SHPRH: variants seen among roughly 807,000 people sequenced by gnomAD.
SHPRH encodes SNF2 histone linker PHD RING helicase.
In SHPRH, 106 loss-of-function variants were observed where a neutral mutation model predicts 202.5. That is an observed-to-expected ratio of 0.52 (90% confidence interval 0.45 to 0.62). The LOEUF (loss-of-function observed/expected upper bound fraction) is 0.62. Among genes scored for constraint, SHPRH ranks in the 20% least tolerant of loss-of-function variants. The pLI is 0.00. For missense variants in SHPRH, 1,710 were observed against 2,020.0 expected (o/e 0.85, Z 2.94); for synonymous variants, 729 against 686.0 (o/e 1.06, Z -0.98).
intron 2 of SHPRH, among the ~76,000 whole-genome samples, chr6:145,869,819 C>CT (rs71028375): frequency 0.36 from 47,982 of 134,446 alleles, 8,865 homozygotes; most frequent in South Asian, 0.49. Flanking sequence ...TTTTTCTTTT[C>CT]TTTTTTTTTT....
chr6:145,862,447 A>G (rs1339592200), downstream of SHPRH, among the ~76,000 whole-genome samples: 3 of 121,388 alleles, frequency 2.5e-5, no homozygotes, highest in African/African-American at 9.9e-5. Context: ...ACAAAAAAAC[A>G]AAAACAACAA....
intron 3 of SHPRH, chr6:145,951,753 A>G (rs1172017060): frequency 4.4e-6 from 2 of 455,626 alleles, no homozygotes; most frequent in South Asian, 3.1e-5. Context: ...CAGTATGACA[A>G]TGTTCTATAA....
Position 145,922,346 on chromosome 6 carries a change from C to T in SHPRH, c.3722G>A (p.Cys1241Tyr). 6.4e-7 allele frequency: 1 copy of T among 1,557,414 alleles called. No homozygotes were observed. ...LRPARLPLNC[C>Y]VFCKADELFT... Reference sequence around the variant, plus strand: ...CAATTCATCAGCTTTACAAAAGACACAGCTGAAAAAAAAGAGATTAACAGA... The same window carrying T: ...CAATTCATCAGCTTTACAAAAGACATAGCTGAAAAAAAAGAGATTAACAGA... Residue 1241 changes from cysteine (C) to tyrosine (Y), a missense_variant and splice_region_variant, in exon 20 of 30, where the codon TGT becomes TAT. Physicochemically the swap from Cys to Tyr is radical, Grantham distance 194. Around this residue, in one of 8 missense-constraint regions of SHPRH, gnomAD observed 288 missense variants for 317.8 expected, o/e 0.91. Coordinates refer to ENST00000275233, the MANE Select transcript of SHPRH (RefSeq NM_001042683.3).
chr6:145,932,545 C>A (rs1785584298), intron 14 of SHPRH, among the ~76,000 whole-genome samples: 1 of 151,924 alleles, frequency 6.6e-6, no homozygotes, highest in Admixed American at 6.6e-5. Context: ...GTACTTGTCA[C>A]CCTCTGTAAG....
rs369216168 is a variant in SHPRH at position 145,954,950 on chromosome 6, G to A, written c.373C>T (p.Pro125Ser). 52 of 1,613,656 alleles carry A rather than the reference G, an allele frequency of 3.2e-5. No individual in the cohort carries two copies. Among genetic ancestry groups the A allele is most frequent in the Non-Finnish European group, 4.0e-5 (47 of 1,179,914 alleles). ...AAATTTTCAATTAAACTCTGTGCAG[G>A]AAGAAGCTGAAGAGTTAATTCTCCT... ...FLGELTLQLL[P>S]AQSLIENFSE... The change falls in exon 2 of 30, where the codon CCT becomes TCT. Residue 125 changes from proline (P) to serine (S), a missense_variant. Transcript: ENST00000275233.
At chr6:145,948,248 C>T in intron 5 of SHPRH, 24 bp downstream of exon 5, 1 of 1,506,812 alleles carries the variant, frequency 6.6e-7, no homozygotes, top group Admixed American at 2.0e-5. Context: ...TTAAATCAAG[C>T]ATATAAGTAA....
chr6:145,861,483 T>C (rs1326239033), downstream of SHPRH, among the ~76,000 whole-genome samples: 1 of 150,942 alleles, frequency 6.6e-6, no homozygotes, highest in Non-Finnish European at 1.5e-5. Flanking sequence ...AGGAATTCTG[T>C]ACACTGTTGG....
intron 11 of SHPRH, 89 bp from the exon 12 acceptor site, chr6:145,935,530 A>G: frequency 7.9e-6 from 10 of 1,262,116 alleles, no homozygotes; most frequent in Non-Finnish European, 1.1e-5. Flanking sequence ...TACACAGCAC[A>G]TAGAACTTTC....
chr6:145,899,606 A>T lies in SHPRH; in HGVS notation c.4516-4629T>A, dbSNP rs759469276. Among the ~76,000 whole-genome samples, 34 of 152,166 alleles carry T rather than the reference A, an allele frequency of 2.2e-4. 1 individual carries two copies. Among genetic ancestry groups the T allele is most frequent in the Admixed American group, 2.6e-4 (4 of 15,260 alleles). Reference sequence around the variant, plus strand: ...AAACTACTTGACAATGATCTTGGTAAAGACTTTTTGGATATGACCCAAAAA... The same window carrying T: ...AAACTACTTGACAATGATCTTGGTATAGACTTTTTGGATATGACCCAAAAA... On this transcript the variant is annotated intron_variant, in intron 25 of 29. Transcript: ENST00000275233.
intron 2 of SHPRH, among the ~76,000 whole-genome samples, chr6:145,864,932 AACACACACACTCACACACACACAC>A (rs1304391154): frequency 1.5e-5 from 2 of 133,854 alleles, no homozygotes; most frequent in Non-Finnish European, 3.3e-5. Context: ...AAAATTTATA[AACACACACACTCACACACACACAC>A]ACACACACAC....
intron 2 of SHPRH, 71 bp from the exon 3 acceptor site, chr6:145,952,549 G>A (rs1371499661): frequency 7.1e-7 from 1 of 1,407,286 alleles, no homozygotes; most frequent in Non-Finnish European, 9.5e-7. Context: ...ACATAAGCAA[G>A]AAAAAATTAG....
downstream of SHPRH, among the ~76,000 whole-genome samples, chr6:145,861,061 T>C (rs540064738): frequency 3.9e-5 from 6 of 152,060 alleles, no homozygotes; most frequent in Non-Finnish European, 8.8e-5. Flanking sequence ...TTTGCAGACA[T>C]TGGACTGGGC....
At chr6:145,873,446 C>T (rs1780146238) in intron 2 of SHPRH, among the ~76,000 whole-genome samples, 1 of 152,164 alleles carries the variant, frequency 6.6e-6, no homozygotes, top group South Asian at 2.1e-4. Context: ...ATTGACACAA[C>T]TTCCAGTTAA....
chr6:145,946,452 A>G (rs1322468251), intron 6 of SHPRH, 111 bp from the exon 7 acceptor site: 7 of 851,252 alleles, frequency 8.2e-6, no homozygotes, highest in Non-Finnish European at 1.2e-5. Context: ...TTCTAAAAAA[A>G]TTGCAAGAGA....
In SHPRH at chr6:145,918,126, A is replaced by C. The variant is rs748277777; in HGVS notation, c.4254+5T>G. The C allele has an allele frequency of 2.0e-5, 32 of 1,604,016 alleles. 1 individual carries two copies. The South Asian group carries it at 3.5e-4, about 17-fold the overall frequency. On this transcript the variant is annotated splice_donor_5th_base_variant and intron_variant, in intron 23 of 29. Coordinates refer to ENST00000275233, the MANE Select transcript of SHPRH (RefSeq NM_001042683.3). ...GGAAAAAGTAGCATGTCTTAGAAACAATACCTTCTCCAAATTAGTTAGGTA... is the reference window on the plus strand; with the variant it reads ...GGAAAAAGTAGCATGTCTTAGAAACCATACCTTCTCCAAATTAGTTAGGTA...
intron 10 of SHPRH, among the ~76,000 whole-genome samples, chr6:145,941,269 A>T (rs1254469352): frequency 6.6e-6 from 1 of 152,226 alleles, no homozygotes. Context: ...AGACTGTCAA[A>T]GTCAACTTTG....
chr6:145,954,179 C>T (rs780003576), intron 2 of SHPRH, among the ~76,000 whole-genome samples: 7 of 151,794 alleles, frequency 4.6e-5, no homozygotes, highest in Admixed American at 2.0e-4. Flanking sequence ...AAAGCAAAGA[C>T]GCAGAAAGTC....
intron 28 of SHPRH, among the ~76,000 whole-genome samples, chr6:145,890,497 C>T (rs575068963): frequency 6.6e-4 from 101 of 152,168 alleles, no homozygotes; most frequent in Non-Finnish European, 9.7e-4. Context: ...TCACTTGGTT[C>T]CTAGGACACT....
chr6:145,921,391 C>T lies in SHPRH; in HGVS notation c.3784G>A (p.Val1262Ile). 3 of 1,612,052 alleles carry T rather than the reference C, an allele frequency of 1.9e-6. No individual in the cohort carries two copies. Among genetic ancestry groups the T allele is most frequent in the Non-Finnish European group, 2.5e-6 (3 of 1,178,886 alleles). Residue 1262 changes from valine to isoleucine, a missense_variant and splice_region_variant, in exon 21 of 30, where the codon GTC becomes ATC. Val to Ile is a conservative substitution (Grantham distance 29). Coordinates refer to ENST00000275233, the MANE Select transcript of SHPRH (RefSeq NM_001042683.3). ...TCAAATATTGCAGTCTGGCCTTTGA[C>T]TCTGAAAACATACCAGAACAAAACA... ...EYESKLFSNT[V>I]KGQTAIFEEM...
Sources: allele counts gnomAD v4.1 joint callset (sites outside exome capture counted in the v4.1 genomes callset), GRCh38; gene constraint gnomAD v4.1.1; regional missense constraint gnomAD v4.1.1; transcripts MANE v1.5; gene names NCBI Gene and HGNC (gene_info 2026-07-23, HGNC 2026-07-21).